Variants in MRPL30 observed in about 807,000 individuals in gnomAD.
The protein encoded by MRPL30 is mitochondrial ribosomal protein L30, also known as large ribosomal subunit protein uL30m.
A neutral mutation model predicts 17.2 loss-of-function variants in MRPL30; 10 were observed. The observed-to-expected ratio is 0.58, with a 90% CI of 0.36 to 0.99. The LOEUF (loss-of-function observed/expected upper bound fraction) is 0.99, where lower values mean the gene tolerates loss of function less well. Among genes scored for constraint, MRPL30 ranks in the 50% least tolerant of loss-of-function variants. The pLI is 0.01. For synonymous variants in MRPL30, 61 were observed against 62.1 expected (o/e 0.98, Z 0.08); for missense variants, 170 against 189.8 (o/e 0.90, Z 0.61).
intron 3 of MRPL30, among the ~76,000 whole-genome samples, chr2:99,188,900 C>A (rs2093939085): frequency 6.6e-6 from 1 of 152,090 alleles, no homozygotes; most frequent in Non-Finnish European, 1.5e-5. Context: ...GGGGTTTCAT[C>A]ATGTTGCCCA....
chr2:99,182,114 A>G (rs771603768), intron 1 of MRPL30, among the ~76,000 whole-genome samples: 77 of 152,088 alleles, frequency 5.1e-4, no homozygotes, highest in Non-Finnish European at 8.8e-5. Context: ...CTGTGATTAC[A>G]CACGTTCACA....
chr2:99,193,458 A>G (rs1217542542), intron 3 of MRPL30, among the ~76,000 whole-genome samples: 1 of 152,060 alleles, frequency 6.6e-6, no homozygotes, highest in Non-Finnish European at 1.5e-5. Context: ...TTTTTTCTAA[A>G]TCTGCTTCCC....
Position 99,198,462 on chromosome 2 carries a change from TTA to T in MRPL30, c.*2758_*2759del, listed in dbSNP as rs2093958573. On this transcript the variant is annotated 3_prime_UTR_variant, in exon 6 of 6. Transcript: ENST00000338148. ...GACTAGCAAGATGGGCACTACACTC[TTA>T]GATAATCAAATAAATGCAATCATGT... 6.6e-6 allele frequency among the ~76,000 whole-genome samples: 1 copy of T among 152,198 alleles called. No homozygotes were observed. Among genetic ancestry groups the T allele is most frequent in the Admixed American group, 6.6e-5 (1 of 15,240 alleles).
At chr2:99,187,059 C>T (rs1308070700) in intron 2 of MRPL30, 1 of 152,154 alleles carries the variant, frequency 6.6e-6, no homozygotes, top group African/African-American at 2.4e-5. Context: ...TCAGATTAAT[C>T]CTGTGAGGTC....
intron 1 of MRPL30, among the ~76,000 whole-genome samples, chr2:99,182,007 C>A (rs901993223): frequency 2.6e-5 from 4 of 151,262 alleles, no homozygotes; most frequent in Admixed American, 2.6e-4. Context: ...GACAAAAGAA[C>A]TATCGGTCGC....
intron 1 of MRPL30, among the ~76,000 whole-genome samples, chr2:99,182,953 A>C (rs1285965090): frequency 6.6e-6 from 1 of 152,214 alleles, no homozygotes; most frequent in Non-Finnish European, 1.5e-5. Flanking sequence ...GATAAGCACG[A>C]TAGAAAGCAG....
At chr2:99,184,679 G>A in intron 1 of MRPL30, among the ~76,000 whole-genome samples, 1 of 152,226 alleles carries the variant, frequency 6.6e-6, no homozygotes. Context: ...TAAGTGATCA[G>A]AAAGATTTTT....
Position 99,198,923 on chromosome 2 carries a change from G to A in MRPL30, c.*3218G>A, listed in dbSNP as rs553175546. ...TCAATCTAAAATTGTACCTCTTTCA[G>A]GCCAAACACCTATTTTCTTCATTTT... On this transcript the variant is annotated 3_prime_UTR_variant, in exon 6 of 6. Transcript: ENST00000338148. 6.6e-6 allele frequency among the ~76,000 whole-genome samples: 1 copy of A among 152,058 alleles called. No homozygotes were observed. Among genetic ancestry groups the A allele is most frequent in the East Asian group, 1.9e-4 (1 of 5,168 alleles).
chr2:99,185,686 G>T, intron 1 of MRPL30: 1 of 348,508 alleles, frequency 2.9e-6, no homozygotes, highest in South Asian at 2.1e-5. Context: ...ACTTGCCTAG[G>T]AATTAGGAGA....
At chr2:99,191,861 T>C (rs1364278100) in intron 3 of MRPL30, among the ~76,000 whole-genome samples, 1 of 152,200 alleles carries the variant, frequency 6.6e-6, no homozygotes, top group Admixed American at 6.6e-5. Context: ...CGTGCTTTTT[T>C]CTATATTAGC....
Position 99,196,989 on chromosome 2 carries a change from A to C in MRPL30, c.*1284A>C, listed in dbSNP as rs1376373414. 6.6e-6 allele frequency: 1 copy of C among 152,210 alleles called. No individual in the cohort carries two copies. The highest frequency in any genetic ancestry group is 1.5e-5 in the Non-Finnish European group (1 of 68,036). The allele number at this position is 152,210 out of a possible 1,614,324, so 9.4% of individuals were successfully genotyped here. A position where few individuals can be genotyped will look rare whatever the true frequency, so the allele number is the denominator to read the frequency against. ...TCATGGAACAAGGGTGTGAAATGAA[A>C]ATATTTTAGGATTTATTCAAAAACA... On this transcript the variant is annotated 3_prime_UTR_variant, in exon 6 of 6. Coordinates refer to ENST00000338148, the MANE Select transcript of MRPL30 (RefSeq NM_145212.4).
chr2:99,187,365 A>T (rs373518154), intron 2 of MRPL30, among the ~76,000 whole-genome samples: 1 of 152,224 alleles, frequency 6.6e-6, no homozygotes, highest in Non-Finnish European at 1.5e-5. Flanking sequence ...GAGTGATGAC[A>T]TTGTTAGAAC....
intron 2 of MRPL30, among the ~76,000 whole-genome samples, chr2:99,187,815 G>A (rs13026928): frequency 0.57 from 86,229 of 150,986 alleles, 25,713 homozygotes; most frequent in East Asian, 0.88. Context: ...GTGACAGAGC[G>A]AGACTCCGTC....
intron 3 of MRPL30, among the ~76,000 whole-genome samples, chr2:99,194,507 TCTC>T (rs1347880022): frequency 1.3e-5 from 2 of 152,172 alleles, no homozygotes; most frequent in Non-Finnish European, 2.9e-5. Context: ...GCTTACAGAT[TCTC>T]CTGACATTTA....
chr2:99,193,127 G>GA (rs1234641428), intron 3 of MRPL30, among the ~76,000 whole-genome samples: 7 of 151,724 alleles, frequency 4.6e-5, no homozygotes, highest in Non-Finnish European at 1.0e-4. Flanking sequence ...AAATTTACAA[G>GA]AAAAAAACAA....
In MRPL30 at chr2:99,198,992, T is replaced by G. The variant is rs2093959281; in HGVS notation, c.*3287T>G. ...CTAGCTAGTATGCCTATTATCTAAC[T>G]GGCACAGTTTCACCAAGGACAGTTT... On this transcript the variant is annotated 3_prime_UTR_variant, in exon 6 of 6. Transcript: ENST00000338148. Among the ~76,000 whole-genome samples, 1 of 152,260 alleles carries G rather than the reference T, an allele frequency of 6.6e-6. No individual in the cohort carries two copies. Among genetic ancestry groups the G allele is most frequent in the South Asian group, 2.1e-4 (1 of 4,818 alleles).
In MRPL30 at chr2:99,181,184, G is replaced by A; in HGVS notation, c.-93G>A. On this transcript the variant is annotated 5_prime_UTR_variant, in exon 1 of 6. Transcript: ENST00000338148. ...CGGCAGGCTTTGAGTGTAGCACTTG[G>A]TAGTTCTTCCTCTGCTCTGCTTCCC... 1 of 656,304 alleles carries A rather than the reference G, an allele frequency of 1.5e-6. No individual in the cohort carries two copies. The highest frequency in any genetic ancestry group is 2.2e-5 in the South Asian group (1 of 44,656). 40.7% of individuals were successfully genotyped at this position (656,304 alleles called of 1,614,324 possible). A position where few individuals can be genotyped will look rare whatever the true frequency, so the allele number is the denominator to read the frequency against.
intron 1 of MRPL30, 44 bp downstream of exon 1, chr2:99,181,293 G>C (rs2093919902): frequency 3.3e-6 from 1 of 307,330 alleles, no homozygotes; most frequent in Non-Finnish European, 6.2e-6. Flanking sequence ...TTCTTCGCAA[G>C]GTGTATCCGG....
chr2:99,193,127 GA>G (rs1234641428), intron 3 of MRPL30, among the ~76,000 whole-genome samples: 3 of 151,724 alleles, frequency 2.0e-5, no homozygotes, highest in Non-Finnish European at 4.4e-5. Context: ...AAATTTACAA[GA>G]AAAAAACAAA....
Sources: allele counts gnomAD v4.1 joint callset (sites outside exome capture counted in the v4.1 genomes callset), GRCh38; gene constraint gnomAD v4.1.1; transcripts MANE v1.5; gene names NCBI Gene and HGNC (gene_info 2026-07-23, HGNC 2026-07-21).